SAMD3: variants seen among roughly 807,000 people sequenced by gnomAD.
SAMD3 encodes sterile alpha motif domain-containing protein 3.
Under a neutral mutation model 58.5 loss-of-function variants are expected in SAMD3, and 63 were observed. The observed-to-expected ratio is 1.08, with a 90% CI of 0.88 to 1.33. The LOEUF is 1.33. Among genes scored for constraint, SAMD3 ranks in the 40% most tolerant of loss-of-function variants. The pLI, the probability that SAMD3 is intolerant of heterozygous loss-of-function variation, is 0.00. For synonymous variants in SAMD3, 220 were observed against 210.3 expected (o/e 1.05, Z -0.40); for missense variants, 604 against 608.4 (o/e 0.99, Z 0.08).
chr6:130,323,577 C>T (rs565151293), intron 1 of SAMD3, among the ~76,000 whole-genome samples: 14 of 151,812 alleles, frequency 9.2e-5, no homozygotes, highest in South Asian at 2.1e-4. Flanking sequence ...CCAAGGCAGG[C>T]GGATCACTTG....
chr6:130,231,915 T>C (rs931644948), intron 2 of SAMD3, among the ~76,000 whole-genome samples: 16 of 152,224 alleles, frequency 1.1e-4, no homozygotes, highest in African/African-American at 2.9e-4. Context: ...GATGGAAGTG[T>C]TCTATATCTG....
At position 130,145,387 on chromosome 6, in the gene SAMD3, C is replaced by A. The variant is rs758972799; in HGVS notation, c.1231G>T (p.Asp411Tyr). Residue 411 changes from aspartate to tyrosine, a missense_variant, in exon 11 of 12, where the codon GAT (aspartate) becomes TAT (tyrosine). Transcript: ENST00000439090. ...AGGCTGGGATCATCCCCAAAAACAT[C>A]TGGGAGGAGTAAACATGTGGCTGTC... ...KMTATCLLLP[D>Y]VFGDDPSLFV... 2.5e-6 allele frequency: 4 copies of A among 1,611,732 alleles called. No individual in the cohort carries two copies. In the Admixed American group the frequency reaches 6.7e-5, roughly 27 times the overall value.
At position 130,341,702 on chromosome 6, in the gene SAMD3, G is replaced by A. The variant is rs1426366490; in HGVS notation, c.-304+23418C>T. 1.3e-5 allele frequency among the ~76,000 whole-genome samples: 2 copies of A among 152,124 alleles called. 1 individual carries two copies. Among genetic ancestry groups the A allele is most frequent in the Admixed American group, 1.3e-4 (2 of 15,268 alleles). On this transcript the variant is annotated intron_variant, in intron 1 of 13. Transcript: ENST00000368134. ...TATACTAAGAGTGGGGCTGATGGCAGCACTTATGAGTGGGAGGCTTGTTGT... is the reference window on the plus strand; with the variant it reads ...TATACTAAGAGTGGGGCTGATGGCAACACTTATGAGTGGGAGGCTTGTTGT...
chr6:130,337,678 A>G (rs1777144298), intron 1 of SAMD3, among the ~76,000 whole-genome samples: 2 of 152,242 alleles, frequency 1.3e-5, no homozygotes, highest in Non-Finnish European at 2.9e-5. Context: ...AATGAAGCCC[A>G]GGCTGAGCTG....
intron 1 of SAMD3, among the ~76,000 whole-genome samples, chr6:130,363,573 G>T (rs1583159172): frequency 6.6e-6 from 1 of 152,146 alleles, no homozygotes; most frequent in African/African-American, 2.4e-5. Context: ...TTGAGGATCT[G>T]TGACTTGTAG....
At chr6:130,211,276 A>ATTTTTTTTTTTTTTTTTT (rs762531402) in intron 4 of SAMD3, among the ~76,000 whole-genome samples, 2 of 93,840 alleles carry the variant, frequency 2.1e-5, no homozygotes, top group Non-Finnish European at 2.3e-5. Flanking sequence ...GCCAATCAGA[A>ATTTTTTTTTTTTTTTTTT]TTTTTTTTTT....
chr6:130,215,164 T>C (rs749274484), intron 3 of SAMD3, 31 bp downstream of exon 3: 7 of 1,197,554 alleles, frequency 5.8e-6, no homozygotes. Flanking sequence ...GGCTGCTCAA[T>C]TAAAATTTTT....
At chr6:130,311,167 G>C (rs953485337) in intron 2 of SAMD3, among the ~76,000 whole-genome samples, 4 of 152,144 alleles carry the variant, frequency 2.6e-5, no homozygotes, top group Non-Finnish European at 5.9e-5. Context: ...AAAGGATCTT[G>C]AATCTTTTAT....
In SAMD3 at chr6:130,148,926, G is replaced by A. The variant is rs760134839; in HGVS notation, c.1024-2745C>T. Among the ~76,000 whole-genome samples, 73 of 152,096 alleles carry A rather than the reference G, an allele frequency of 4.8e-4. 4 individuals carry two copies. Among genetic ancestry groups the A allele is most frequent in the Non-Finnish European group, 1.6e-4 (11 of 68,022 alleles). ...CTGGTGTGCAACTTGCTACGGAGAT[G>A]TTATTGCTTTAGACTTTCTCATAGA... On this transcript the variant is annotated intron_variant, in intron 9 of 11. Coordinates refer to ENST00000439090, the MANE Select transcript of SAMD3 (RefSeq NM_001017373.4).
chr6:130,148,294 T>A (rs1254412416), intron 9 of SAMD3, among the ~76,000 whole-genome samples: 1 of 152,268 alleles, frequency 6.6e-6, no homozygotes, highest in African/African-American at 2.4e-5. Context: ...AATTCCCATT[T>A]TACCCAAACG....
At chr6:130,247,235 C>T (rs913579206) in intron 2 of SAMD3, among the ~76,000 whole-genome samples, 2 of 151,946 alleles carry the variant, frequency 1.3e-5, no homozygotes, top group Non-Finnish European at 1.5e-5. Flanking sequence ...TTTGAGAGGC[C>T]GAGGCGGGCG....
chr6:130,258,298 G>C (rs192094616), intron 2 of SAMD3, among the ~76,000 whole-genome samples: 1 of 152,174 alleles, frequency 6.6e-6, no homozygotes, highest in Admixed American at 6.5e-5. Context: ...TTCTTGTAGA[G>C]AGCACATGGT....
At chr6:130,281,620 G>C (rs747937121) in intron 2 of SAMD3, among the ~76,000 whole-genome samples, 1 of 151,880 alleles carries the variant, frequency 6.6e-6, no homozygotes, top group Non-Finnish European at 1.5e-5. Flanking sequence ...TCTTACAATG[G>C]AATTAAAATG....
At chr6:130,200,581 G>C (rs1794567700) in intron 5 of SAMD3, among the ~76,000 whole-genome samples, 1 of 149,806 alleles carries the variant, frequency 6.7e-6, no homozygotes, top group Non-Finnish European at 1.5e-5. Context: ...AAAAAAAAGG[G>C]GAATGAGGCA....
At chr6:130,318,980 T>C (rs761152251) in intron 1 of SAMD3, among the ~76,000 whole-genome samples, 1 of 152,168 alleles carries the variant, frequency 6.6e-6, no homozygotes, top group Non-Finnish European at 1.5e-5. Context: ...TTTCTTAAGG[T>C]TAAAATTATA....
At chr6:130,315,029 C>T (rs1776312305) in intron 1 of SAMD3, among the ~76,000 whole-genome samples, 1 of 152,140 alleles carries the variant, frequency 6.6e-6, no homozygotes, top group African/African-American at 2.4e-5. Flanking sequence ...ACTACAAGTT[C>T]CCTCCTCAAA....
chr6:130,186,539 C>G (rs1298026001), intron 5 of SAMD3, among the ~76,000 whole-genome samples: 1 of 152,136 alleles, frequency 6.6e-6, no homozygotes, highest in African/African-American at 2.4e-5. Flanking sequence ...TCCGCTGCAG[C>G]CCAATCTATT....
intron 1 of SAMD3, among the ~76,000 whole-genome samples, chr6:130,317,261 A>C (rs185906868): frequency 3.1e-4 from 47 of 152,324 alleles, no homozygotes; most frequent in African/African-American, 1.1e-3. Context: ...GGGAAGGCTG[A>C]CATTCCAGAT....
intron 10 of SAMD3, among the ~76,000 whole-genome samples, 186 bp downstream of exon 10, chr6:130,145,824 T>G (rs1020523000): frequency 6.6e-6 from 1 of 152,008 alleles, no homozygotes; most frequent in Non-Finnish European, 1.5e-5. Flanking sequence ...GTTGTTTCAC[T>G]TATTACTTAA....
Sources: allele counts gnomAD v4.1 joint callset (sites outside exome capture counted in the v4.1 genomes callset), GRCh38; gene constraint gnomAD v4.1.1; transcripts MANE v1.5; gene names NCBI Gene and HGNC (gene_info 2026-07-23, HGNC 2026-07-21).